The following PLCXD2 variants were observed in gnomAD, a reference collection of about 807,000 sequenced individuals.
The protein encoded by PLCXD2 is phosphatidylinositol specific phospholipase C X domain containing 2.
PLCXD2 carries 21 observed loss-of-function variants against 28.6 expected under a neutral mutation model. The ratio of observed to expected loss-of-function variants is 0.73; its 90% CI spans 0.52 to 1.06. PLCXD2 has a LOEUF of 1.06. Ranked by LOEUF, PLCXD2 falls within the 50% of genes least tolerant of loss-of-function variation. PLCXD2 has a pLI of 0.00. For synonymous variants in PLCXD2, 140 were observed against 150.1 expected (o/e 0.93, Z 0.49); for missense variants, 369 against 376.7 (o/e 0.98, Z 0.17).
At chr3:111,706,739 A>T (rs1941123868) in intron 1 of PLCXD2, among the ~76,000 whole-genome samples, 1 of 152,062 alleles carries the variant, frequency 6.6e-6, no homozygotes, top group African/African-American at 2.4e-5. Context: ...GATGGAAAAA[A>T]ATATTCCACA....
intron 1 of PLCXD2, among the ~76,000 whole-genome samples, chr3:111,705,022 G>T (rs1374621602): frequency 6.6e-6 from 1 of 151,842 alleles, no homozygotes; most frequent in Admixed American, 6.6e-5. Context: ...TCATCATATT[G>T]GCCAGGCTGG....
intron 1 of PLCXD2, among the ~76,000 whole-genome samples, chr3:111,690,584 G>T (rs533471453): frequency 6.6e-6 from 1 of 152,290 alleles, no homozygotes; most frequent in South Asian, 2.1e-4. Context: ...TTCAAGGGTG[G>T]GGTGTGTTTT....
intron 1 of PLCXD2, among the ~76,000 whole-genome samples, chr3:111,706,740 AT>A (rs1405107743): frequency 6.6e-6 from 1 of 151,982 alleles, no homozygotes; most frequent in African/African-American, 2.4e-5. Flanking sequence ...ATGGAAAAAA[AT>A]ATTCCACACA....
chr3:111,682,550 C>A (rs538749172), intron 1 of PLCXD2, among the ~76,000 whole-genome samples: 1 of 152,110 alleles, frequency 6.6e-6, no homozygotes, highest in East Asian at 1.9e-4. Flanking sequence ...CACATTTGTG[C>A]GCTATAATGC....
chr3:111,693,162 A>G (rs1940911531), intron 1 of PLCXD2, among the ~76,000 whole-genome samples: 1 of 152,186 alleles, frequency 6.6e-6, no homozygotes, highest in Non-Finnish European at 1.5e-5. Flanking sequence ...TATATAGATT[A>G]TTGTACTGCA....
intron 1 of PLCXD2, among the ~76,000 whole-genome samples, chr3:111,688,507 G>C (rs975859080): frequency 2.6e-5 from 4 of 152,126 alleles, no homozygotes; most frequent in African/African-American, 9.7e-5. Flanking sequence ...CCTGAGCTTT[G>C]GTGTCCAGAA....
intron 2 of PLCXD2, 71 bp from the exon 3 acceptor site, chr3:111,713,816 G>T (rs143680710): frequency 1.3e-6 from 2 of 1,514,380 alleles, no homozygotes. Context: ...CTAGCAGTCC[G>T]TATAAAACGG....
At chr3:111,711,284 A>G (rs1279444018) in intron 2 of PLCXD2, among the ~76,000 whole-genome samples, 1 of 152,184 alleles carries the variant, frequency 6.6e-6, no homozygotes, top group Admixed American at 6.5e-5. Flanking sequence ...CACGCCTGTA[A>G]TCCCAGCTAC....
chr3:111,693,674 G>A (rs543239288), intron 1 of PLCXD2, among the ~76,000 whole-genome samples: 6 of 152,208 alleles, frequency 3.9e-5, no homozygotes, highest in East Asian at 3.9e-4. Flanking sequence ...CTTGCTTCTC[G>A]ATGTTTATGT....
intron 1 of PLCXD2, among the ~76,000 whole-genome samples, chr3:111,692,926 A>G (rs1940908617): frequency 6.6e-6 from 1 of 152,188 alleles, no homozygotes; most frequent in African/African-American, 2.4e-5. Context: ...TTTAAATGTC[A>G]GTGGAAGTGT....
chr3:111,698,946 A>G (rs535866237), intron 1 of PLCXD2, among the ~76,000 whole-genome samples: 119 of 152,306 alleles, frequency 7.8e-4, no homozygotes, highest in African/African-American at 2.7e-3. Flanking sequence ...ACTCCCTAAG[A>G]ACAAATTTTT....
At chr3:111,697,504 C>A (rs1043845033) in intron 1 of PLCXD2, among the ~76,000 whole-genome samples, 19 of 152,166 alleles carry the variant, frequency 1.2e-4, no homozygotes, top group African/African-American at 4.3e-4. Context: ...AGAAAAACTT[C>A]TGAAAATATT....
intron 3 of PLCXD2, among the ~76,000 whole-genome samples, chr3:111,717,894 A>T (rs1341509566): frequency 6.6e-6 from 1 of 152,160 alleles, no homozygotes; most frequent in African/African-American, 2.4e-5. Flanking sequence ...ACATGTTGTC[A>T]CGTAAGCAGG....
chr3:111,702,974 G>GC (rs1559795339), intron 1 of PLCXD2, among the ~76,000 whole-genome samples: 1 of 152,196 alleles, frequency 6.6e-6, no homozygotes, highest in African/African-American at 2.4e-5. Context: ...GACATTGTTA[G>GC]CCTGTTTTTC....
At chr3:111,716,935 T>C (rs1941274454) in intron 3 of PLCXD2, among the ~76,000 whole-genome samples, 1 of 152,082 alleles carries the variant, frequency 6.6e-6, no homozygotes, top group East Asian at 1.9e-4. Context: ...GGAAAGGCCA[T>C]GTGAGAATGC....
At chr3:111,693,187 G>T (rs532169224) in intron 1 of PLCXD2, among the ~76,000 whole-genome samples, 1 of 152,262 alleles carries the variant, frequency 6.6e-6, no homozygotes, top group East Asian at 1.9e-4. Context: ...CTCATAAAAG[G>T]CTGCTCAGAG....
chr3:111,699,655 C>T (rs1204598537), intron 1 of PLCXD2, among the ~76,000 whole-genome samples: 7 of 152,118 alleles, frequency 4.6e-5, no homozygotes, highest in African/African-American at 4.8e-5. Flanking sequence ...CTAACCTTTT[C>T]GCATTCAAAT....
intron 3 of PLCXD2, chr3:111,721,417 TGA>T: frequency 1.3e-5 from 2 of 152,342 alleles, no homozygotes; most frequent in East Asian, 3.9e-4. Context: ...ACCACTTTTC[TGA>T]GAGAGTAGGA....
At chr3:111,701,602 C>T in intron 1 of PLCXD2, among the ~76,000 whole-genome samples, 1 of 152,108 alleles carries the variant, frequency 6.6e-6, no homozygotes, top group South Asian at 2.1e-4. Context: ...AAAGCTGTAT[C>T]TTAAGAAAAC....
Sources: gnomAD v4.1 joint callset for allele counts (sites outside exome capture counted in the v4.1 genomes callset) on GRCh38, gnomAD v4.1.1 for gene constraint, MANE v1.5 for transcripts, NCBI Gene and HGNC (gene_info 2026-07-23, HGNC 2026-07-21) for gene names.